The following CEP83 variants were observed in gnomAD, a reference collection of about 807,000 sequenced individuals.
CEP83 encodes centrosomal protein 83, also known as centrosomal protein of 83 kDa.
Under a neutral mutation model 101.9 loss-of-function variants are expected in CEP83, and 70 were observed. That is an observed-to-expected ratio of 0.69 (90% CI 0.57 to 0.84). CEP83 has a LOEUF of 0.84. Among genes scored for constraint, CEP83 ranks in the 40% least tolerant of loss-of-function variants. The probability of loss-of-function intolerance (pLI) is 0.00; values close to 1 mark genes in which losing one functional copy is unlikely to be tolerated. For missense variants in CEP83, 715 were observed against 787.2 expected, an observed-to-expected ratio of 0.91 and a Z score of 1.10; for synonymous variants, 264 against 267.9, an observed-to-expected ratio of 0.99 and a Z score of 0.14.
chr12:94,329,976 G>A (rs12579666), intron 14 of CEP83, among the ~76,000 whole-genome samples: 14,269 of 152,130 alleles, frequency 0.094, 793 homozygotes, highest in Admixed American at 0.15. Flanking sequence ...GACTACTCAT[G>A]TTGTCACTCC....
At chr12:94,345,494 T>G (rs2059893290) in intron 11 of CEP83, among the ~76,000 whole-genome samples, 1 of 152,114 alleles carries the variant, frequency 6.6e-6, no homozygotes, top group Admixed American at 6.5e-5. Flanking sequence ...AATACTGGGG[T>G]GCTCTGGGCC....
downstream of CEP83, chr12:94,307,166 G>GAGTT (rs1252684978): frequency 2.6e-5 from 4 of 152,202 alleles, no homozygotes; most frequent in African/African-American, 4.8e-5. Flanking sequence ...CCTGTGTGGA[G>GAGTT]AGTTACCTCC....
At chr12:94,459,896 G>C (rs1410067212), upstream of CEP83, 1 of 152,534 alleles carries the variant, frequency 6.6e-6, no homozygotes, top group African/African-American at 2.4e-5. Context: ...CTGACGTATG[G>C]CCCAGAAGCC....
At chr12:94,297,042 G>GA in the CEP83 span, 4 of 717,758 alleles carry the variant, frequency 5.6e-6, no homozygotes, top group African/African-American at 1.8e-5. Flanking sequence ...GCAGCAGGGG[G>GA]AAAAATGTAG....
the CEP83 span, among the ~76,000 whole-genome samples, chr12:94,273,704 T>A: frequency 2.6e-5 from 4 of 152,176 alleles, no homozygotes; most frequent in Non-Finnish European, 5.9e-5. Flanking sequence ...CTGATTTGTA[T>A]CACCTACAGT....
intron 2 of CEP83, among the ~76,000 whole-genome samples, chr12:94,421,843 A>G (rs1593918769): frequency 2.0e-5 from 3 of 152,266 alleles, no homozygotes; most frequent in South Asian, 4.1e-4. Flanking sequence ...AAAATGAAGT[A>G]GAGGTTCCTC....
intron 10 of CEP83, 48 bp from the exon 11 acceptor site, chr12:94,367,991 AT>A: frequency 6.2e-7 from 1 of 1,605,086 alleles, no homozygotes. Flanking sequence ...AATAAAGATG[AT>A]ATGACAGCAA....
the CEP83 span, among the ~76,000 whole-genome samples, chr12:94,292,113 A>G: frequency 6.6e-6 from 1 of 152,250 alleles, no homozygotes; most frequent in African/African-American, 2.4e-5. Flanking sequence ...ATGAACTAAC[A>G]CATAGTAATA....
intron 2 of CEP83, chr12:94,424,327 A>C (rs924355621): frequency 1.7e-5 from 28 of 1,614,006 alleles, no homozygotes; most frequent in Non-Finnish European, 2.4e-5. Context: ...CAAATTTGCA[A>C]AGCAAGGGAT....
intron 2 of CEP83, among the ~76,000 whole-genome samples, chr12:94,418,170 T>C (rs2064432821): frequency 6.6e-6 from 1 of 152,154 alleles, no homozygotes; most frequent in South Asian, 2.1e-4. Flanking sequence ...GAGATCAGCC[T>C]GGCCAACATG....
At chr12:94,458,693 G>A (rs1204398377) in intron 1 of CEP83, among the ~76,000 whole-genome samples, 1 of 151,956 alleles carries the variant, frequency 6.6e-6, no homozygotes, top group Non-Finnish European at 1.5e-5. Context: ...AGCCGAGATC[G>A]CGCTACTGCA....
chr12:94,427,794 T>A lies in CEP83; in HGVS notation c.-102+7481A>T, dbSNP rs145119446. On this transcript the variant is annotated intron_variant, in intron 2 of 16. Transcript: ENST00000397809. ...CTACACCAGGCATTTACTTTACTTA[T>A]AAACAAAACATTAGAAATGAATTTC... Among the ~76,000 whole-genome samples the A allele has an allele frequency of 4.7e-4, 71 of 152,310 alleles. No homozygotes were observed. In the East Asian group the frequency reaches 0.013, roughly 27 times the overall value.
intron 14 of CEP83, among the ~76,000 whole-genome samples, chr12:94,320,304 C>T (rs1451091208): frequency 6.6e-6 from 1 of 152,134 alleles, no homozygotes; most frequent in Non-Finnish European, 1.5e-5. Context: ...CAGCTTGCCA[C>T]TCTGTGCCTT....
the CEP83 span, chr12:94,279,966 C>A: frequency 0.011 from 4,966 of 456,906 alleles, 208 homozygotes; most frequent in African/African-American, 0.09. Context: ...TCATGAAATA[C>A]AGAAAGGTGT....
intron 11 of CEP83, among the ~76,000 whole-genome samples, chr12:94,347,546 C>T (rs961900065): frequency 6.6e-6 from 1 of 152,118 alleles, no homozygotes; most frequent in Non-Finnish European, 1.5e-5. Context: ...ACTTAGTAAT[C>T]CCATTTCTAG....
At chr12:94,423,720 A>G in intron 2 of CEP83, 4 of 1,610,300 alleles carry the variant, frequency 2.5e-6, no homozygotes, top group Non-Finnish European at 3.4e-6. Context: ...CTACTCAGTA[A>G]AGATGGGGAG....
chr12:94,275,937 T>C, the CEP83 span, among the ~76,000 whole-genome samples: 1 of 151,622 alleles, frequency 6.6e-6, no homozygotes, highest in Non-Finnish European at 1.5e-5. Flanking sequence ...CACATATCAA[T>C]TTATGTCTGA....
At chr12:94,324,033 T>C (rs548287778) in intron 14 of CEP83, among the ~76,000 whole-genome samples, 4 of 152,336 alleles carry the variant, frequency 2.6e-5, no homozygotes, top group African/African-American at 7.2e-5. Flanking sequence ...AAAACCTAAA[T>C]GCTCATGCTA....
chr12:94,445,535 TTACA>T (rs1158292991), intron 1 of CEP83, among the ~76,000 whole-genome samples: 1 of 152,190 alleles, frequency 6.6e-6, no homozygotes, highest in African/African-American at 2.4e-5. Flanking sequence ...AAATCCACTG[TTACA>T]TAAATGACAA....
Sources: allele counts gnomAD v4.1 joint callset (sites outside exome capture counted in the v4.1 genomes callset), GRCh38; gene constraint gnomAD v4.1.1; transcripts MANE v1.5; gene names NCBI Gene and HGNC (gene_info 2026-07-23, HGNC 2026-07-21).